The following NRXN3 variants were observed in gnomAD, a reference collection of about 807,000 sequenced individuals.
NRXN3 encodes neurexin III.
Under a neutral mutation model 137.6 loss-of-function variants are expected in NRXN3, and 32 were observed. The ratio of observed to expected loss-of-function variants is 0.23; its 90% CI spans 0.18 to 0.31. The LOEUF is 0.31. NRXN3 is among the 10% of genes least tolerant of loss of function. The pLI is 1.00. For synonymous variants in NRXN3, 798 were observed against 784.5 expected (o/e 1.02, Z -0.29); for missense variants, 1,574 against 2,062.5 (o/e 0.76, Z 4.59).
intron 15 of NRXN3, among the ~76,000 whole-genome samples, chr14:79,204,368 T>A (rs1240985379): frequency 6.6e-6 from 1 of 151,648 alleles, no homozygotes; most frequent in African/African-American, 2.4e-5. Flanking sequence ...CCTCATATGG[T>A]AACAGTTACC....
At chr14:78,887,193 A>G (rs567634776) in intron 10 of NRXN3, among the ~76,000 whole-genome samples, 19 of 152,206 alleles carry the variant, frequency 1.2e-4, no homozygotes, top group African/African-American at 4.3e-4. Flanking sequence ...CCTATTAGAT[A>G]TTTAGAGATT....
At chr14:79,088,590 CTCTTAACAGTTCCTCAGATG>C (rs1347751936) in intron 15 of NRXN3, among the ~76,000 whole-genome samples, 1 of 152,068 alleles carries the variant, frequency 6.6e-6, no homozygotes, top group African/African-American at 2.4e-5. Context: ...CTTAAGAAGT[CTCTTAACAGTTCCTCAGATG>C]TAGTACCTGC....
At chr14:79,397,657 A>G (rs2095065550) in intron 15 of NRXN3, among the ~76,000 whole-genome samples, 2 of 152,226 alleles carry the variant, frequency 1.3e-5, no homozygotes, top group African/African-American at 4.8e-5. Flanking sequence ...GGAGGAGATA[A>G]GTGATCAAAC....
At position 79,866,148 on chromosome 14, in the gene NRXN3, T is replaced by C. The variant is rs954009883; in HGVS notation, c.*4184T>C. The C allele has an allele frequency of 6.6e-6, 1 of 152,244 alleles. No individual in the cohort carries two copies. The highest frequency in any genetic ancestry group is 6.5e-5 in the Admixed American group (1 of 15,286). 9.4% of individuals were successfully genotyped at this position (152,244 alleles called of 1,614,324 possible). ...CTATACAGGTCCAGTCTCTCTTTGC[T>C]CATATTCAAATTGAAGTTTGATCTT... On this transcript the variant is annotated 3_prime_UTR_variant, in exon 21 of 21. Coordinates refer to ENST00000335750, the MANE Select transcript of NRXN3 (RefSeq NM_001330195.2).
At chr14:79,141,458 A>G (rs2152997575) in intron 15 of NRXN3, among the ~76,000 whole-genome samples, 1 of 152,304 alleles carries the variant, frequency 6.6e-6, no homozygotes, top group Middle Eastern at 3.4e-3. Flanking sequence ...TCACACTTTG[A>G]TCCTTACCAC....
chr14:78,379,271 A>C (rs544157694), intron 4 of NRXN3, among the ~76,000 whole-genome samples: 2 of 152,346 alleles, frequency 1.3e-5, no homozygotes, highest in African/African-American at 4.8e-5. Flanking sequence ...TTATGAAGTT[A>C]GTATTACTCT....
chr14:79,755,965 T>C (rs796721820), intron 19 of NRXN3, among the ~76,000 whole-genome samples: 12 of 152,304 alleles, frequency 7.9e-5, no homozygotes, highest in African/African-American at 2.9e-4. Context: ...CCCACTCTTA[T>C]AATTGAAAAG....
chr14:78,646,550 G>A (rs986684998), intron 5 of NRXN3, among the ~76,000 whole-genome samples: 9 of 152,262 alleles, frequency 5.9e-5, no homozygotes, highest in South Asian at 2.1e-4. Context: ...GTCTGCCTAC[G>A]TTTTCTGTTT....
At chr14:79,144,607 C>A (rs547345863) in intron 15 of NRXN3, among the ~76,000 whole-genome samples, 1 of 152,240 alleles carries the variant, frequency 6.6e-6, no homozygotes, top group East Asian at 1.9e-4. Context: ...AAGTTTTGGC[C>A]AGTGAAGATG....
At chr14:79,502,537 GCCTCTC>G (rs1322100081) in intron 16 of NRXN3, among the ~76,000 whole-genome samples, 1 of 138,354 alleles carries the variant, frequency 7.2e-6, no homozygotes, top group Non-Finnish European at 1.6e-5. Context: ...ACCTCCTCCC[GCCTCTC>G]CCTCTCCCTC....
intron 10 of NRXN3, among the ~76,000 whole-genome samples, chr14:78,842,952 A>T (rs942989324): frequency 2.0e-5 from 3 of 152,104 alleles, no homozygotes; most frequent in African/African-American, 7.2e-5. Context: ...CCCAGATTTC[A>T]TATTGTTCAA....
At chr14:79,574,651 C>T (rs770917946) in intron 16 of NRXN3, among the ~76,000 whole-genome samples, 3 of 152,026 alleles carry the variant, frequency 2.0e-5, no homozygotes, top group Non-Finnish European at 2.9e-5. Context: ...TGGCTTTACC[C>T]AGGGTGAGTG....
intron 4 of NRXN3, among the ~76,000 whole-genome samples, chr14:78,397,728 C>T (rs1402502101): frequency 6.6e-6 from 1 of 151,690 alleles, no homozygotes; most frequent in Non-Finnish European, 1.5e-5. Flanking sequence ...CTCAGCCTCC[C>T]AAGTAGCTGG....
chr14:78,365,553 G>T (rs975933541), intron 4 of NRXN3, among the ~76,000 whole-genome samples: 2 of 152,190 alleles, frequency 1.3e-5, no homozygotes, highest in South Asian at 4.1e-4. Context: ...ACTCAGTCAT[G>T]AGCTCATTCT....
intron 15 of NRXN3, among the ~76,000 whole-genome samples, chr14:79,287,360 T>C (rs889312989): frequency 6.6e-6 from 1 of 152,156 alleles, no homozygotes; most frequent in Admixed American, 6.5e-5. Context: ...AGCTCAGGGA[T>C]TCAGTAAAGT....
At chr14:78,880,083 CA>C (rs2099124404) in intron 10 of NRXN3, among the ~76,000 whole-genome samples, 1 of 147,356 alleles carries the variant, frequency 6.8e-6, no homozygotes, top group African/African-American at 2.6e-5. Flanking sequence ...ACTAAAAATA[CA>C]AAAAAATTAG....
intron 10 of NRXN3, among the ~76,000 whole-genome samples, chr14:78,829,602 T>C (rs2098976271): frequency 6.6e-6 from 1 of 152,038 alleles, no homozygotes; most frequent in African/African-American, 2.4e-5. Context: ...GGGGAAAAAA[T>C]TATTTTATCC....
At chr14:78,800,296 T>C (rs1246867273) in intron 8 of NRXN3, among the ~76,000 whole-genome samples, 1 of 152,180 alleles carries the variant, frequency 6.6e-6, no homozygotes, top group Non-Finnish European at 1.5e-5. Context: ...GAAAATGAGA[T>C]AATAAAGTCT....
At chr14:78,542,345 C>G (rs1471317075) in intron 4 of NRXN3, among the ~76,000 whole-genome samples, 1 of 152,226 alleles carries the variant, frequency 6.6e-6, no homozygotes, top group East Asian at 1.9e-4. Context: ...GGGCTCTGCC[C>G]AGTTTGAGCT....
Sources: gnomAD v4.1 joint callset for allele counts (sites outside exome capture counted in the v4.1 genomes callset) on GRCh38, gnomAD v4.1.1 for gene constraint, MANE v1.5 for transcripts, NCBI Gene and HGNC (gene_info 2026-07-23, HGNC 2026-07-21) for gene names.